The following ALMS1 variants were observed in gnomAD, a reference collection of about 807,000 sequenced individuals.
The protein encoded by ALMS1 is ALMS1 centrosome and basal body associated protein, also known as centrosome-associated protein ALMS1.
ALMS1 carries 271 observed loss-of-function variants against 352.2 expected under a neutral mutation model. The ratio of observed to expected loss-of-function variants is 0.77; its 90% CI spans 0.70 to 0.85. The LOEUF is 0.85. ALMS1 is among the 40% of genes least tolerant of loss of function. ALMS1 has a pLI of 0.00. For missense variants in ALMS1, 5,445 were observed against 4,870.7 expected (o/e 1.12, Z -3.51); for synonymous variants, 1,865 against 1,761.2 (o/e 1.06, Z -1.48).
intron 9 of ALMS1, among the ~76,000 whole-genome samples, chr2:73,486,977 C>T (rs1201354857): frequency 6.6e-6 from 1 of 152,128 alleles, no homozygotes; most frequent in Non-Finnish European, 1.5e-5. Flanking sequence ...ATCGCCTGAG[C>T]CTGGGAGGTC....
intron 7 of ALMS1, among the ~76,000 whole-genome samples, chr2:73,445,918 T>C (rs1381223439): frequency 6.6e-6 from 1 of 152,142 alleles, no homozygotes; most frequent in African/African-American, 2.4e-5. Context: ...TGTATTCTTC[T>C]TTCCCAGGGC....
chr2:73,480,922 T>A (rs1481355150), intron 9 of ALMS1, among the ~76,000 whole-genome samples: 1 of 133,922 alleles, frequency 7.5e-6, no homozygotes, highest in East Asian at 2.0e-4. Flanking sequence ...TTGATGGGGT[T>A]GTTTGTTTTT....
In ALMS1 at chr2:73,432,270, G is replaced by T. The variant is rs766390643; in HGVS notation, c.1411G>T (p.Ala471Ser). The stretch of plus-strand genomic sequence containing the variant: ...GATGTCTCCTGACACTGTGCCAAAG[G>T]CTCCTAAACATTTAAAAGCAGGTAC... ...LRMSPDTVPK[A>S]PKHLKAGDTS... The change falls in exon 7 of 23, where the codon GCT becomes TCT. Residue 471 changes from alanine to serine, a missense_variant. Coordinates refer to ENST00000613296, the MANE Select transcript of ALMS1 (RefSeq NM_001378454.1). 3 of 1,612,356 alleles carry T rather than the reference G, an allele frequency of 1.9e-6. No homozygotes were observed. The highest frequency in any genetic ancestry group is 2.5e-6 in the Non-Finnish European group (3 of 1,178,618).
intron 10 of ALMS1, among the ~76,000 whole-genome samples, chr2:73,511,797 T>G (rs1168251040): frequency 1.3e-5 from 2 of 152,084 alleles, no homozygotes; most frequent in African/African-American, 4.8e-5. Context: ...AAATAAAACA[T>G]AGAGGTGCTG....
Position 73,449,281 on chromosome 2 carries a change from C to T in ALMS1, c.2754C>T (p.Ser918=), listed in dbSNP as rs1290678830. 3.1e-6 allele frequency: 5 copies of T among 1,613,786 alleles called. No homozygotes were observed. The highest frequency in any genetic ancestry group is 8.5e-7 in the Non-Finnish European group (1 of 1,179,914). ...YSHREKPIIF[S]QQTLPDFLFP... ...ACAGAGAGAAGCCCATTATTTTTTC[C>T]CAGCAGACCCTGCCAGACTTTCTTT... is the stretch of plus-strand genomic sequence containing the variant. The change falls in exon 8 of 23, where the codon TCC becomes TCT. Residue 918 remains serine, a synonymous_variant. Transcript: ENST00000613296.
At chr2:73,475,296 G>A (rs1011697767) in intron 9 of ALMS1, among the ~76,000 whole-genome samples, 1 of 152,064 alleles carries the variant, frequency 6.6e-6, no homozygotes, top group South Asian at 2.1e-4. Context: ...AACATGTTGA[G>A]GAACTTCTAA....
At chr2:73,455,358 C>T (rs1672038446) in intron 9 of ALMS1, 63 bp downstream of exon 9, 3 of 1,598,784 alleles carry the variant, frequency 1.9e-6, no homozygotes, top group Admixed American at 3.4e-5. Flanking sequence ...GAATTAGGAT[C>T]TCTTACTTGG....
chr2:73,508,121 T>G (rs1488171094), intron 10 of ALMS1, among the ~76,000 whole-genome samples: 1 of 150,946 alleles, frequency 6.6e-6, no homozygotes, highest in South Asian at 2.1e-4. Flanking sequence ...TTCTCTTTTC[T>G]TTTCCTTTCC....
At chr2:73,439,116 C>CTTTTTT (rs11395640) in intron 7 of ALMS1, among the ~76,000 whole-genome samples, 1 of 132,164 alleles carries the variant, frequency 7.6e-6, no homozygotes, top group African/African-American at 2.9e-5. Context: ...TCCTCCTCCT[C>CTTTTTT]TTTTTTTTTT....
intron 1 of ALMS1, among the ~76,000 whole-genome samples, chr2:73,404,655 G>A (rs921480151): frequency 5.3e-5 from 8 of 151,830 alleles, no homozygotes; most frequent in Non-Finnish European, 8.8e-5. Context: ...TCCTTTTAAC[G>A]TACTGCTGAA....
At chr2:73,558,936 T>TC (rs1244868048) in intron 14 of ALMS1, 36 bp from the exon 15 acceptor site, 1 of 1,610,560 alleles carries the variant, frequency 6.2e-7, no homozygotes, top group Non-Finnish European at 8.5e-7. Context: ...TATGTCAAGT[T>TC]CCTGTCTGTA....
intron 7 of ALMS1, among the ~76,000 whole-genome samples, chr2:73,446,010 A>T (rs553040871): frequency 6.6e-6 from 1 of 152,190 alleles, no homozygotes; most frequent in South Asian, 2.1e-4. Context: ...TATAAATCAT[A>T]GTTAATGGAT....
Position 73,449,019 on chromosome 2 carries a change from C to T in ALMS1, c.2492C>T (p.Pro831Leu). Residue 831 changes from proline to leucine, a missense_variant, in exon 8 of 23, where the codon CCC becomes CTC. By Grantham distance (98) the Pro-to-Leu change is moderately conservative (BLOSUM62 -3). Coordinates refer to ENST00000613296, the MANE Select transcript of ALMS1 (RefSeq NM_001378454.1). The part of the protein sequence containing the change: ...YQQALLDSHL[P>L]EEALKVSAVS... ...CAGGCCTTGCTGGACAGCCATCTAC[C>T]CGAAGAGGCTCTGAAAGTTTCAGCT... is the stretch of plus-strand genomic sequence containing the variant. The T allele has an allele frequency of 6.2e-7, 1 of 1,613,990 alleles. No homozygotes were observed. Among genetic ancestry groups the T allele is most frequent in the Non-Finnish European group, 8.5e-7 (1 of 1,179,962 alleles).
chr2:73,440,264 T>C (rs1671690040), intron 7 of ALMS1, among the ~76,000 whole-genome samples: 1 of 152,118 alleles, frequency 6.6e-6, no homozygotes, highest in Non-Finnish European at 1.5e-5. Context: ...ATTACAGGCG[T>C]GAGCCAATGC....
At chr2:73,587,216 C>T (rs991567883) in intron 16 of ALMS1, among the ~76,000 whole-genome samples, 11 of 152,128 alleles carry the variant, frequency 7.2e-5, no homozygotes, top group African/African-American at 1.9e-4. Context: ...GTCATATCAT[C>T]GGTGAACAGT....
intron 13 of ALMS1, among the ~76,000 whole-genome samples, chr2:73,551,857 T>C (rs1434631542): frequency 6.6e-6 from 1 of 152,210 alleles, no homozygotes; most frequent in Non-Finnish European, 1.5e-5. Flanking sequence ...GTGTGTATAA[T>C]TGCCTGTGTT....
intron 9 of ALMS1, among the ~76,000 whole-genome samples, chr2:73,469,346 C>T (rs1672421727): frequency 6.6e-6 from 1 of 151,756 alleles, no homozygotes; most frequent in African/African-American, 2.4e-5. Context: ...AGATTTGGAC[C>T]TTGGAAAAAT....
intron 7 of ALMS1, among the ~76,000 whole-genome samples, chr2:73,433,373 A>G (rs1671549247): frequency 6.7e-6 from 1 of 148,576 alleles, no homozygotes; most frequent in Admixed American, 6.6e-5. Context: ...ACATAGGGAA[A>G]GAGAAGCCAG....
intron 1 of ALMS1, among the ~76,000 whole-genome samples, chr2:73,393,985 T>C (rs1447206626): frequency 6.6e-6 from 1 of 152,020 alleles, no homozygotes; most frequent in African/African-American, 2.4e-5. Context: ...CATGCCTGGC[T>C]AATTTTTGTA....
Sources: allele counts gnomAD v4.1 joint callset (sites outside exome capture counted in the v4.1 genomes callset), GRCh38; gene constraint gnomAD v4.1.1; transcripts MANE v1.5; gene names NCBI Gene and HGNC (gene_info 2026-07-23, HGNC 2026-07-21).